PRRC1: variants seen among roughly 807,000 people sequenced by gnomAD.
The protein encoded by PRRC1 is proline rich coiled-coil 1.
In PRRC1, 39 loss-of-function variants were observed where a neutral mutation model predicts 40.7. The observed-to-expected ratio is 0.96, with a 90% CI of 0.74 to 1.25. The LOEUF (loss-of-function observed/expected upper bound fraction) is 1.25. Among genes scored for constraint, PRRC1 ranks in the 50% most tolerant of loss-of-function variants. PRRC1 has a pLI of 0.00. For synonymous variants in PRRC1, 175 were observed against 193.3 expected, an observed-to-expected ratio of 0.91 and a Z score of 0.79; for missense variants, 573 against 548.3, an observed-to-expected ratio of 1.05 and a Z score of -0.45.
chr5:127,523,495 G>A lies in PRRC1; in HGVS notation c.16G>A (p.Gly6Arg), dbSNP rs1278969145. The A allele has an allele frequency of 2.5e-6, 4 of 1,607,822 alleles. No individual in the cohort carries two copies. The highest frequency in any genetic ancestry group is 3.4e-6 in the Non-Finnish European group (4 of 1,177,588). Reference sequence around the variant, plus strand: ...TTGAAGAAAAATGATGGAAGAGAGTGGAATAGAGACAACACCACCTGGGAC... The same window carrying A: ...TTGAAGAAAAATGATGGAAGAGAGTAGAATAGAGACAACACCACCTGGGAC... MMEESGIETTPPGTPP... is the reference protein window; with the variant it reads MMEESRIETTPPGTPP... Residue 6 changes from glycine to arginine, a missense_variant, in exon 2 of 9, where the codon GGA (glycine) becomes AGA (arginine). Physicochemically the swap from Gly to Arg is moderately radical, Grantham distance 125. Transcript: ENST00000296666.
chr5:127,530,210 T>C (rs1767730269), intron 4 of PRRC1, 84 bp from the exon 5 acceptor site: 3 of 1,222,106 alleles, frequency 2.5e-6, no homozygotes, highest in Non-Finnish European at 3.5e-6. Context: ...TTGGAAACTT[T>C]TAAAAAAGTT....
intron 1 of PRRC1, among the ~76,000 whole-genome samples, chr5:127,521,111 A>G (rs1354974474): frequency 1.3e-5 from 2 of 152,182 alleles, no homozygotes; most frequent in African/African-American, 2.4e-5. Context: ...ATCCTCTCCA[A>G]AGAACCAGTG....
At chr5:127,524,393 A>T in intron 2 of PRRC1, 138 bp from the exon 3 acceptor site, 1 of 763,584 alleles carries the variant, frequency 1.3e-6, no homozygotes, top group Admixed American at 2.5e-5. Flanking sequence ...TATATTTTAA[A>T]TTACACATTT....
intron 4 of PRRC1, among the ~76,000 whole-genome samples, chr5:127,527,313 C>T (rs766731605): frequency 6.6e-6 from 1 of 152,130 alleles, no homozygotes; most frequent in Non-Finnish European, 1.5e-5. Flanking sequence ...CAATACCTCA[C>T]ATATTTACCA....
intron 3 of PRRC1, 97 bp downstream of exon 3, chr5:127,525,017 A>AC (rs546751321): frequency 2.0e-5 from 24 of 1,210,558 alleles, no homozygotes; most frequent in Non-Finnish European, 2.7e-5. Flanking sequence ...TATGTACTCT[A>AC]CAATTCACCC....
intron 7 of PRRC1, among the ~76,000 whole-genome samples, chr5:127,543,778 A>G (rs2127111919): frequency 6.6e-6 from 1 of 152,002 alleles, no homozygotes; most frequent in East Asian, 1.9e-4. Context: ...ATTCGTCTAA[A>G]TTTTTTTCAA....
intron 4 of PRRC1, 41 bp from the exon 5 acceptor site, chr5:127,530,253 C>A: frequency 6.4e-7 from 1 of 1,551,856 alleles, no homozygotes; most frequent in Non-Finnish European, 8.9e-7. Flanking sequence ...TGGTGTTCCT[C>A]ACTTAGAGTG....
rs936031462 is a variant in PRRC1 at position 127,552,399 on chromosome 5, A to G, written c.*483A>G. On this transcript the variant is annotated 3_prime_UTR_variant, in exon 9 of 9. Transcript: ENST00000296666. ...GGGCTGGTGCTGAGCAGCCTGCTCA[A>G]CAGTCACTATAAGACACCTACTTGT... is the stretch of plus-strand genomic sequence containing the variant. 5.8e-5 allele frequency: 58 copies of G among 995,686 alleles called. No homozygotes were observed. Among genetic ancestry groups the G allele is most frequent in the East Asian group, 1.1e-4 (1 of 9,450 alleles). 61.7% of individuals were successfully genotyped at this position (995,686 alleles called of 1,614,324 possible).
intron 6 of PRRC1, 154 bp downstream of exon 6, chr5:127,533,940 A>C: frequency 1.3e-6 from 1 of 775,542 alleles, no homozygotes; most frequent in South Asian, 1.5e-5. Context: ...CGTATTATGA[A>C]GATATAGTGG....
chr5:127,547,691 G>T, intron 7 of PRRC1, 128 bp from the exon 8 acceptor site: 1 of 516,962 alleles, frequency 1.9e-6, no homozygotes, highest in Non-Finnish European at 3.4e-6. Flanking sequence ...TTTGCAAGTT[G>T]GTAAGAAAAA....
intron 6 of PRRC1, among the ~76,000 whole-genome samples, chr5:127,536,721 C>T (rs1427116323): frequency 5.9e-5 from 9 of 151,950 alleles, no homozygotes; most frequent in Admixed American, 3.9e-4. Flanking sequence ...TTTATAATAG[C>T]ATTTGACAGA....
intron 7 of PRRC1, among the ~76,000 whole-genome samples, chr5:127,543,028 A>C (rs1285386931): frequency 1.4e-5 from 2 of 142,628 alleles, no homozygotes; most frequent in East Asian, 4.7e-4. Context: ...GTTCCTTTCC[A>C]TGTTTAGTGC....
At chr5:127,530,421 T>C (rs1207789833) in intron 5 of PRRC1, 25 bp downstream of exon 5, 2 of 1,557,232 alleles carry the variant, frequency 1.3e-6, no homozygotes, top group Non-Finnish European at 1.8e-6. Context: ...TAGACCGGTA[T>C]CTGCCATTTT....
At chr5:127,543,660 C>T (rs1400906593) in intron 7 of PRRC1, among the ~76,000 whole-genome samples, 4 of 152,160 alleles carry the variant, frequency 2.6e-5, no homozygotes, top group East Asian at 1.9e-4. Context: ...TCCAGTTGAT[C>T]GCGTCGGCTC....
intron 4 of PRRC1, among the ~76,000 whole-genome samples, chr5:127,527,953 G>A (rs72792012): frequency 1.3e-5 from 2 of 152,070 alleles, no homozygotes; most frequent in African/African-American, 4.8e-5. Context: ...GCCAGCAGTA[G>A]TTATTAATTT....
chr5:127,533,522 G>T (rs750937684), intron 5 of PRRC1, 101 bp from the exon 6 acceptor site: 6 of 957,770 alleles, frequency 6.3e-6, no homozygotes, highest in Non-Finnish European at 9.4e-6. Context: ...TATGAAACTG[G>T]TAATAATTAT....
At chr5:127,523,669 C>T (rs1423118379) in intron 2 of PRRC1, 87 bp downstream of exon 2, 13 of 673,728 alleles carry the variant, frequency 1.9e-5, no homozygotes, top group Admixed American at 3.4e-5. Flanking sequence ...GAAAAGAATG[C>T]ATATATTAAA....
intron 5 of PRRC1, among the ~76,000 whole-genome samples, chr5:127,531,617 C>CTTCTTTTTTTTTTTTTTT (rs1268819647): frequency 2.0e-5 from 2 of 99,646 alleles, no homozygotes; most frequent in African/African-American, 9.3e-5. Flanking sequence ...TCTTCTTCTT[C>CTTCTTTTTTTTTTTTTTT]TTTTTTTTTT....
Position 127,551,998 on chromosome 5 carries a change from A to AT in PRRC1, c.*83dup. 1 of 1,576,404 alleles carries AT rather than the reference A, an allele frequency of 6.3e-7. No homozygotes were observed. The highest frequency in any genetic ancestry group is 8.6e-7 in the Non-Finnish European group (1 of 1,160,014). On this transcript the variant is annotated 3_prime_UTR_variant, in exon 9 of 9. Coordinates refer to ENST00000296666, the MANE Select transcript of PRRC1 (RefSeq NM_130809.5). The stretch of plus-strand genomic sequence containing the variant: ...AAGTGGTTGTACCTTCCTAAATCGA[A>AT]TAGTCTAAATGAATCCAGTAGTTTT...
Sources: allele counts gnomAD v4.1 joint callset (sites outside exome capture counted in the v4.1 genomes callset), GRCh38; gene constraint gnomAD v4.1.1; transcripts MANE v1.5; gene names NCBI Gene and HGNC (gene_info 2026-07-23, HGNC 2026-07-21).